Variants in PRDM6 observed in about 807,000 individuals in gnomAD.
PRDM6 encodes PR/SET domain 6.
PRDM6 carries 25 observed loss-of-function variants against 60.8 expected under a neutral mutation model. The observed-to-expected ratio is 0.41, with a 90% CI of 0.30 to 0.57. The LOEUF is 0.57. PRDM6 is among the 20% of genes least tolerant of loss of function. PRDM6 has a pLI of 0.27. For missense variants in PRDM6, 839 were observed against 821.3 expected (o/e 1.02, Z -0.26); for synonymous variants, 407 against 357.4 (o/e 1.14, Z -1.57).
intron 3 of PRDM6, among the ~76,000 whole-genome samples, chr5:123,142,203 C>G (rs1765120766): frequency 6.6e-6 from 1 of 151,986 alleles, no homozygotes; most frequent in Non-Finnish European, 1.5e-5. Flanking sequence ...TTCTGGGTTC[C>G]AACAGTCAAG....
chr5:123,124,137 G>A (rs1203365440), intron 3 of PRDM6, among the ~76,000 whole-genome samples: 1 of 152,096 alleles, frequency 6.6e-6, no homozygotes, highest in African/African-American at 2.4e-5. Context: ...GTTGGGTTGG[G>A]CATCCTTATT....
intron 2 of PRDM6, among the ~76,000 whole-genome samples, chr5:123,094,812 T>C (rs1288052623): frequency 1.3e-5 from 2 of 152,188 alleles, no homozygotes; most frequent in Admixed American, 1.3e-4. Flanking sequence ...GGTTTATCTC[T>C]GCGCAATATT....
chr5:123,184,126 C>T (rs1370733290), intron 7 of PRDM6, among the ~76,000 whole-genome samples: 1 of 152,104 alleles, frequency 6.6e-6, no homozygotes, highest in East Asian at 1.9e-4. Context: ...GCATTGAACA[C>T]ATCATACATA....
At chr5:123,129,535 A>G (rs7737660) in intron 3 of PRDM6, among the ~76,000 whole-genome samples, 125 of 152,324 alleles carry the variant, frequency 8.2e-4, no homozygotes, top group African/African-American at 2.9e-3. Context: ...CCGTGAAACC[A>G]TATAAAACAT....
chr5:123,152,967 A>G (rs143213493), intron 3 of PRDM6, among the ~76,000 whole-genome samples: 3 of 152,328 alleles, frequency 2.0e-5, no homozygotes, highest in Non-Finnish European at 2.9e-5. Context: ...CCGCTTAAAC[A>G]GGTAAGAATT....
At chr5:123,092,866 C>T (rs1763872888) in intron 2 of PRDM6, among the ~76,000 whole-genome samples, 1 of 152,158 alleles carries the variant, frequency 6.6e-6, no homozygotes. Flanking sequence ...TCATTTGAAG[C>T]CATGGGATGT....
chr5:123,142,986 CTTCAGAGACCGAAGAAACCCATCAACCTT>C (rs1360426009), intron 3 of PRDM6, among the ~76,000 whole-genome samples: 1 of 149,900 alleles, frequency 6.7e-6, no homozygotes, highest in Non-Finnish European at 1.5e-5. Flanking sequence ...AGATCACGTA[CTTCAGAGACCGAAGAAACCCATCAACCTT>C]TGAAGAGAAC....
At chr5:123,097,075 C>T (rs1763975672) in intron 2 of PRDM6, among the ~76,000 whole-genome samples, 1 of 152,156 alleles carries the variant, frequency 6.6e-6, no homozygotes, top group South Asian at 2.1e-4. Context: ...TGACTTATTT[C>T]TATTTCCATG....
chr5:123,105,834 C>G (rs1764188451), intron 3 of PRDM6, among the ~76,000 whole-genome samples: 1 of 152,190 alleles, frequency 6.6e-6, no homozygotes, highest in Admixed American at 6.5e-5. Flanking sequence ...ATATACTTTT[C>G]CTTGTAAGCA....
chr5:123,181,889 G>T (rs1766173097), intron 7 of PRDM6, among the ~76,000 whole-genome samples: 1 of 152,184 alleles, frequency 6.6e-6, no homozygotes, highest in Admixed American at 6.5e-5. Flanking sequence ...GTTCATAAAA[G>T]ATAGTCATTG....
chr5:123,152,794 G>A (rs1765398852), intron 3 of PRDM6, among the ~76,000 whole-genome samples: 1 of 152,218 alleles, frequency 6.6e-6, no homozygotes, highest in Non-Finnish European at 1.5e-5. Context: ...ATGGGAGAGA[G>A]TGGCACTTCC....
Position 123,157,062 on chromosome 5 carries a change from CT to C in PRDM6, c.1028+1066del, listed in dbSNP as rs35295245. 5.5e-3 allele frequency among the ~76,000 whole-genome samples: 768 copies of C among 140,236 alleles called. 1 individual carries two copies. Among genetic ancestry groups the C allele is most frequent in the Middle Eastern group, 7.3e-3 (2 of 274 alleles). The allele number at this position is 140,236 out of a possible 152,430, so 92.0% of individuals were successfully genotyped here. ...GCCTATGGCTATTTATTTTCCTTTCCTTTTTTTTTTTTTTTAAACGAAGCTT... is the reference window on the plus strand; with the variant it reads ...GCCTATGGCTATTTATTTTCCTTTCCTTTTTTTTTTTTTTAAACGAAGCTT... On this transcript the variant is annotated intron_variant, in intron 4 of 7. Transcript: ENST00000407847.
In PRDM6 at chr5:123,090,622, C is replaced by T. The variant is rs1219241097; in HGVS notation, c.592+16C>T. 6.6e-7 allele frequency: 1 copy of T among 1,511,154 alleles called. No homozygotes were observed. The highest frequency in any genetic ancestry group is 8.8e-7 in the Non-Finnish European group (1 of 1,137,268). The allele number at this position is 1,511,154 out of a possible 1,614,324, so 93.6% of individuals were successfully genotyped here. ...CCCAACAACCGTACGTAGCCGCAGC[C>T]CGCGCGCTCTCTCCCGGGGCGCCGG... On this transcript the variant is annotated intron_variant, in intron 2 of 7. Transcript: ENST00000407847.
At chr5:123,173,190 CA>C (rs60742506) in intron 6 of PRDM6, among the ~76,000 whole-genome samples, 2,794 of 119,176 alleles carry the variant, frequency 0.023, 61 homozygotes, top group African/African-American at 0.076. Context: ...GACTCCATCT[CA>C]AAAAAAAAAA....
intron 3 of PRDM6, among the ~76,000 whole-genome samples, chr5:123,107,946 A>T (rs1764231174): frequency 6.6e-6 from 1 of 152,130 alleles, no homozygotes; most frequent in African/African-American, 2.4e-5. Flanking sequence ...CAGTGTCTTG[A>T]TATTATCTCC....
intron 6 of PRDM6, among the ~76,000 whole-genome samples, chr5:123,175,840 A>G (rs1016634356): frequency 2.6e-5 from 4 of 152,212 alleles, no homozygotes; most frequent in Non-Finnish European, 5.9e-5. Flanking sequence ...CACCAAACCA[A>G]TTACAGATTA....
At chr5:123,160,793 T>C (rs780016292) in intron 5 of PRDM6, among the ~76,000 whole-genome samples, 3 of 152,224 alleles carry the variant, frequency 2.0e-5, no homozygotes, top group African/African-American at 7.2e-5. Flanking sequence ...ATACAGTACA[T>C]TCCTCTGATT....
chr5:123,187,193 G>A lies in PRDM6; in HGVS notation c.1780G>A (p.Val594Met). 1 of 1,548,408 alleles carries A rather than the reference G, an allele frequency of 6.5e-7. No homozygotes were observed. The highest frequency in any genetic ancestry group is 8.7e-7 in the Non-Finnish European group (1 of 1,144,102). ...PITESPESIE[V>M]D is the part of the protein sequence containing the mutation. ...AACTGAGAGCCCAGAATCAATCGAAGTGGATTAACGGATTGACTGGTTGGA... is the reference window on the plus strand; with the variant it reads ...AACTGAGAGCCCAGAATCAATCGAAATGGATTAACGGATTGACTGGTTGGA... Residue 594 changes from valine to methionine, a missense_variant, in exon 8 of 8, where the codon GTG becomes ATG. Transcript: ENST00000407847.
rs762872468 is a variant in PRDM6, at chr5:123,090,176, G to GCCGCCC, written c.172_177dup (p.Pro58_Pro59dup). The stretch of plus-strand genomic sequence containing the variant: ...CGCCGCAGCCTCTTCAGCCGCCGCC[G>GCCGCCC]CCGCCCCCGCCCCCGGAGCGCGCTG... On this transcript the variant is annotated inframe_insertion, in exon 2 of 8. Transcript: ENST00000407847. 676 of 1,487,526 alleles carry GCCGCCC rather than the reference G, an allele frequency of 4.5e-4. 7 individuals are homozygous for GCCGCCC. In the South Asian group the frequency reaches 4.8e-3, roughly 11 times the overall value. 92.1% of individuals were successfully genotyped at this position (1,487,526 alleles called of 1,614,324 possible).
Sources: gnomAD v4.1 joint callset for allele counts (sites outside exome capture counted in the v4.1 genomes callset) on GRCh38, gnomAD v4.1.1 for gene constraint, MANE v1.5 for transcripts, NCBI Gene and HGNC (gene_info 2026-07-23, HGNC 2026-07-21) for gene names.